Variants in SYNPR observed in about 807,000 individuals in gnomAD.
SYNPR encodes the protein synaptoporin.
A neutral mutation model predicts 32.9 loss-of-function variants in SYNPR; 23 were observed. The observed-to-expected ratio is 0.70, with a 90% CI of 0.50 to 0.99. SYNPR has a LOEUF of 0.99. Ranked by LOEUF, SYNPR falls within the 50% of genes least tolerant of loss-of-function variation. SYNPR has a pLI of 0.00. For missense variants in SYNPR, 318 were observed against 349.3 expected, an observed-to-expected ratio of 0.91 and a Z score of 0.71; for synonymous variants, 146 against 135.9, an observed-to-expected ratio of 1.07 and a Z score of -0.52.
chr3:63,271,630 C>T (rs1460170689), intron 3 of SYNPR, among the ~76,000 whole-genome samples: 4 of 151,888 alleles, frequency 2.6e-5, no homozygotes, highest in African/African-American at 7.3e-5. Flanking sequence ...AATATATCTT[C>T]CCTAAAACAG....
chr3:63,594,553 G>A (rs1056770311), intron 4 of SYNPR, among the ~76,000 whole-genome samples: 4 of 152,066 alleles, frequency 2.6e-5, no homozygotes, highest in East Asian at 1.9e-4. Flanking sequence ...AAACTCCCTC[G>A]GTTGAAATCC....
At chr3:63,538,327 G>C (rs891991599) in intron 3 of SYNPR, among the ~76,000 whole-genome samples, 2 of 151,832 alleles carry the variant, frequency 1.3e-5, no homozygotes, top group Admixed American at 1.3e-4. Context: ...AATAATTAAT[G>C]TAATGGTGAG....
At chr3:63,314,303 A>G (rs1161311421) in intron 2 of SYNPR, among the ~76,000 whole-genome samples, 1 of 151,412 alleles carries the variant, frequency 6.6e-6, no homozygotes, top group Non-Finnish European at 1.5e-5. Context: ...AGTGTTTTCT[A>G]CAGTGGCTTT....
chr3:63,236,665 T>C (rs1457828754), intron 1 of SYNPR, among the ~76,000 whole-genome samples: 1 of 152,164 alleles, frequency 6.6e-6, no homozygotes, highest in South Asian at 2.1e-4. Context: ...TTTCCTGTGT[T>C]CATTGTGAGT....
At chr3:63,486,475 C>T (rs1701152896) in intron 3 of SYNPR, among the ~76,000 whole-genome samples, 1 of 152,150 alleles carries the variant, frequency 6.6e-6, no homozygotes, top group Non-Finnish European at 1.5e-5. Context: ...CTTTCATTAT[C>T]TTTTTTACCT....
chr3:63,332,286 A>G (rs1195161836), intron 2 of SYNPR, among the ~76,000 whole-genome samples: 1 of 152,156 alleles, frequency 6.6e-6, no homozygotes, highest in Non-Finnish European at 1.5e-5. Context: ...CTTGCACAGG[A>G]AAGTGTTCCC....
At chr3:63,551,607 C>T (rs530905762) in intron 3 of SYNPR, among the ~76,000 whole-genome samples, 1 of 152,252 alleles carries the variant, frequency 6.6e-6, no homozygotes, top group African/African-American at 2.4e-5. Context: ...TATACTCTTT[C>T]TTTTTATAGC....
chr3:63,546,713 G>GAA (rs148191209), intron 3 of SYNPR, among the ~76,000 whole-genome samples: 4 of 150,812 alleles, frequency 2.7e-5, no homozygotes, highest in Non-Finnish European at 5.9e-5. Context: ...TTCCTCTTAT[G>GAA]AAAAAAAAAG....
At chr3:63,280,949 A>G (rs935772935) in intron 2 of SYNPR, among the ~76,000 whole-genome samples, 4 of 152,244 alleles carry the variant, frequency 2.6e-5, no homozygotes, top group Non-Finnish European at 5.9e-5. Flanking sequence ...AAATTTTAAA[A>G]GTTAGATAAG....
At chr3:63,520,929 G>T (rs1012130469) in intron 3 of SYNPR, among the ~76,000 whole-genome samples, 2 of 17,798 alleles carry the variant, frequency 1.1e-4, no homozygotes, top group African/African-American at 6.5e-4. Flanking sequence ...TTGGGGCCCC[G>T]TTTTTTGTAA....
intron 3 of SYNPR, among the ~76,000 whole-genome samples, chr3:63,507,485 G>T (rs1575681804): frequency 6.6e-6 from 1 of 152,298 alleles, no homozygotes; most frequent in East Asian, 1.9e-4. Flanking sequence ...ATTCTGTGAA[G>T]TGTTTATCAG....
chr3:63,300,331 TTCTATCTA>T (rs59249020), intron 2 of SYNPR, among the ~76,000 whole-genome samples: 4 of 151,440 alleles, frequency 2.6e-5, no homozygotes, highest in Admixed American at 6.6e-5. Flanking sequence ...CATTCTTTGC[TTCTATCTA>T]TCTATCTATC....
intron 2 of SYNPR, among the ~76,000 whole-genome samples, chr3:63,399,006 A>G (rs2088255583): frequency 6.6e-6 from 1 of 152,222 alleles, no homozygotes; most frequent in African/African-American, 2.4e-5. Flanking sequence ...CATGGAATTG[A>G]CATGAAGGAT....
At chr3:63,520,929 G>A (rs1012130469) in intron 3 of SYNPR, among the ~76,000 whole-genome samples, 1 of 17,796 alleles carries the variant, frequency 5.6e-5, no homozygotes, top group African/African-American at 6.5e-4. Flanking sequence ...TTGGGGCCCC[G>A]TTTTTTGTAA....
intron 4 of SYNPR, among the ~76,000 whole-genome samples, chr3:63,579,177 G>A (rs1206538339): frequency 6.6e-6 from 1 of 152,044 alleles, no homozygotes; most frequent in Admixed American, 6.6e-5. Flanking sequence ...ATCTCTTAAA[G>A]GTGAAGAACC....
At chr3:63,262,022 TATAATA>T (rs2086442134) in intron 2 of SYNPR, among the ~76,000 whole-genome samples, 3 of 62,560 alleles carry the variant, frequency 4.8e-5, no homozygotes, top group Non-Finnish European at 8.4e-5. Context: ...AAACTTTAAG[TATAATA>T]AAAAAAAAAA....
intron 2 of SYNPR, among the ~76,000 whole-genome samples, chr3:63,387,672 C>T (rs1335101046): frequency 1.3e-5 from 2 of 152,116 alleles, no homozygotes; most frequent in Non-Finnish European, 2.9e-5. Flanking sequence ...CAAGTTGAAC[C>T]ACTTAACCAC....
rs1553876893 is a variant in SYNPR at position 63,408,142 on chromosome 3, A to AAAAGAAAGAAAGAAAGAAAAG, written c.85-72671_85-72670insAGAAAGAAAGAAAGAAAGAAA. On this transcript the variant is annotated intron_variant, in intron 2 of 5. Transcript: ENST00000478300. ...GATAAACAGAACCAATAGAAGAAAGAAAAGAAAGAAAGAAAGAAAGAAAGA... is the reference window on the plus strand; with the variant it reads ...GATAAACAGAACCAATAGAAGAAAGAAAAGAAAGAAAGAAAGAAAAGAAAGAAAGAAAGAAAGAAAGAAAGA... Among the ~76,000 whole-genome samples the AAAAGAAAGAAAGAAAGAAAAG allele has an allele frequency of 2.2e-3, 62 of 28,510 alleles. 11 individuals carry two copies. The highest frequency in any genetic ancestry group is 4.2e-3 in the African/African-American group (25 of 6,016). 18.7% of individuals were successfully genotyped at this position (28,510 alleles called of 152,430 possible).
chr3:63,478,415 T>G (rs1422211797), intron 2 of SYNPR, among the ~76,000 whole-genome samples: 1 of 152,214 alleles, frequency 6.6e-6, no homozygotes, highest in African/African-American at 2.4e-5. Flanking sequence ...GAAACAATTA[T>G]GTTATTCTAC....
Sources: allele counts gnomAD v4.1 joint callset (sites outside exome capture counted in the v4.1 genomes callset), GRCh38; gene constraint gnomAD v4.1.1; transcripts MANE v1.5; gene names NCBI Gene and HGNC (gene_info 2026-07-23, HGNC 2026-07-21).